The following CCDC7 variants were observed in gnomAD, a reference collection of about 807,000 sequenced individuals.
CCDC7 encodes the protein coiled-coil domain containing 7.
CCDC7 carries 183 observed loss-of-function variants against 196.9 expected under a neutral mutation model. The observed-to-expected ratio is 0.93, with a 90% CI of 0.82 to 1.05. The LOEUF (loss-of-function observed/expected upper bound fraction) is 1.05, where lower values mean the gene tolerates loss of function less well. Ranked by LOEUF, CCDC7 falls within the 50% of genes least tolerant of loss-of-function variation. CCDC7 has a pLI of 0.00. For missense variants in CCDC7, 1,540 were observed against 1,482.2 expected (o/e 1.04, Z -0.64); for synonymous variants, 525 against 484.6 (o/e 1.08, Z -1.10).
Position 32,457,920 on chromosome 10 carries a change from A to G in CCDC7, c.456+1586A>G, listed in dbSNP as rs1017147823. ...TCTGAGTTCCTTATATATTTTGAATATTAATCACTTGTTAGATGAATTTTT... is the reference window on the plus strand; with the variant it reads ...TCTGAGTTCCTTATATATTTTGAATGTTAATCACTTGTTAGATGAATTTTT... On this transcript the variant is annotated intron_variant, in intron 3 of 41. Coordinates refer to ENST00000639629, the Ensembl canonical transcript of CCDC7. Among the ~76,000 whole-genome samples the G allele has an allele frequency of 5.3e-5, 8 of 152,116 alleles. No individual in the cohort carries two copies. In the South Asian group the frequency reaches 8.3e-4, roughly 16 times the overall value.
At chr10:32,830,131 T>TAC (rs1565641517) in intron 32 of CCDC7, among the ~76,000 whole-genome samples, 12 of 111,790 alleles carry the variant, frequency 1.1e-4, no homozygotes, top group African/African-American at 1.4e-4. Flanking sequence ...GATATATATA[T>TAC]ATATATATAT....
At chr10:32,787,677 A>G (rs769719525) in intron 29 of CCDC7, among the ~76,000 whole-genome samples, 2 of 152,134 alleles carry the variant, frequency 1.3e-5, no homozygotes, top group Non-Finnish European at 2.9e-5. Flanking sequence ...GTATCTGCAG[A>G]CCCAGCCTCC....
At chr10:32,711,220 A>G (rs1341599893) in intron 24 of CCDC7, among the ~76,000 whole-genome samples, 1 of 151,898 alleles carries the variant, frequency 6.6e-6, no homozygotes, top group Non-Finnish European at 1.5e-5. Flanking sequence ...GTGTGTATAT[A>G]TATATGTTCA....
chr10:32,559,966 G>GTGCTTAAAGTGCTTA (rs2055150127), intron 13 of CCDC7, among the ~76,000 whole-genome samples: 1 of 152,196 alleles, frequency 6.6e-6, no homozygotes, highest in Non-Finnish European at 1.5e-5. Flanking sequence ...CCAATACAGT[G>GTGCTTAAAGTGCTTA]AAGTGCTTAA....
intron 20 of CCDC7, among the ~76,000 whole-genome samples, chr10:32,642,300 A>T (rs1032112569): frequency 3.9e-5 from 6 of 152,208 alleles, no homozygotes; most frequent in African/African-American, 1.2e-4. Flanking sequence ...GGCTCCACCC[A>T]GTTTGAGTTT....
intron 39 of CCDC7, among the ~76,000 whole-genome samples, chr10:32,849,510 C>T (rs1214333294): frequency 2.0e-5 from 3 of 151,820 alleles, no homozygotes; most frequent in Non-Finnish European, 4.4e-5. Context: ...AGAGACCATC[C>T]TGGCCAACAT....
chr10:32,850,905 A>T (rs905661751), intron 39 of CCDC7, among the ~76,000 whole-genome samples: 2 of 152,086 alleles, frequency 1.3e-5, no homozygotes, highest in Non-Finnish European at 2.9e-5. Flanking sequence ...ACGAAGGCAA[A>T]TATGGCAGTC....
chr10:32,600,249 T>C (rs1263569660), intron 18 of CCDC7, among the ~76,000 whole-genome samples: 2 of 152,128 alleles, frequency 1.3e-5, no homozygotes, highest in African/African-American at 4.8e-5. Flanking sequence ...TAGCAGTATT[T>C]TATAGTTCTC....
exon 24 of CCDC7, chr10:32,694,880 T>G (rs746944813): frequency 6.3e-7 from 1 of 1,582,570 alleles, no homozygotes; most frequent in Admixed American, 1.7e-5. Flanking sequence ...CTTATGTAGC[T>G]CATGATGAAG....
chr10:32,537,607 C>A (rs1339017367), intron 11 of CCDC7, among the ~76,000 whole-genome samples: 1 of 152,024 alleles, frequency 6.6e-6, no homozygotes, highest in Non-Finnish European at 1.5e-5. Context: ...GGTTATCTTC[C>A]AGAGTTTTTA....
chr10:32,702,044 T>C lies in CCDC7; in HGVS notation c.2458+7052T>C, dbSNP rs542206928. On this transcript the variant is annotated intron_variant, in intron 24 of 41. Transcript: ENST00000639629. The stretch of plus-strand genomic sequence containing the variant: ...TTCAGTTTTGCTGTGATCTTAGTTA[T>C]TTCTTGCCTTCTGCAAACTTTTGAA... Among the ~76,000 whole-genome samples, 52 of 152,348 alleles carry C rather than the reference T, an allele frequency of 3.4e-4. 2 individuals are homozygous for C. In the South Asian group the frequency reaches 0.011, roughly 32 times the overall value.
intron 18 of CCDC7, among the ~76,000 whole-genome samples, chr10:32,608,398 A>G (rs1382630147): frequency 6.6e-6 from 1 of 151,456 alleles, no homozygotes; most frequent in Non-Finnish European, 1.5e-5. Flanking sequence ...TGAGCTGTTT[A>G]TTTGAGATCT....
In CCDC7 at chr10:32,511,261, C is replaced by CGGAGG. The variant is rs1554812866; in HGVS notation, c.873-6682_873-6681insAGGGG. ...TGCCACAGAATTATTCTGTGGGGGG[C>CGGAGG]GGGGGGGGCGGGGAAATGTACTTTT... On this transcript the variant is annotated intron_variant, in intron 9 of 41. Coordinates refer to ENST00000639629, the Ensembl canonical transcript of CCDC7. The CGGAGG allele has an allele frequency of 2.3e-5, 9 of 383,222 alleles. No homozygotes were observed. In the African/African-American group the frequency reaches 4.0e-4, roughly 17 times the overall value. 23.7% of individuals were successfully genotyped at this position (383,222 alleles called of 1,614,324 possible). A position where few individuals can be genotyped will look rare whatever the true frequency, so the allele number is the denominator to read the frequency against.
chr10:32,712,954 T>A lies in CCDC7; in HGVS notation c.2569+1224T>A, dbSNP rs532364989. Among the ~76,000 whole-genome samples, 3 of 152,326 alleles carry A rather than the reference T, an allele frequency of 2.0e-5. No individual in the cohort carries two copies. In the East Asian group the frequency reaches 5.8e-4, roughly 29 times the overall value. ...TAAAGCTTGGCAATGAGGGAAATTATTCCCTTTTTTATCCCCAGAGTGTTA... is the reference window on the plus strand; with the variant it reads ...TAAAGCTTGGCAATGAGGGAAATTAATCCCTTTTTTATCCCCAGAGTGTTA... On this transcript the variant is annotated intron_variant, in intron 25 of 41. Transcript: ENST00000639629.
At chr10:32,504,114 G>GT (rs2044483185) in intron 9 of CCDC7, among the ~76,000 whole-genome samples, 2 of 114,126 alleles carry the variant, frequency 1.8e-5, no homozygotes, top group Non-Finnish European at 3.7e-5. Context: ...ATTTATTGCT[G>GT]GTTTTTTTTT....
In CCDC7 at chr10:32,833,355, A is replaced by ATTT. The variant is rs1565651037; in HGVS notation, c.3269-1460_3269-1459insTTT. On this transcript the variant is annotated intron_variant, in intron 32 of 41. Coordinates refer to ENST00000639629, the Ensembl canonical transcript of CCDC7. The stretch of plus-strand genomic sequence containing the variant: ...TGTATGATATATTACCCTTTTTTTA[A>ATTT]AAAAAAAAAAAAGAAAGCTCAATAA... 4.0e-3 allele frequency among the ~76,000 whole-genome samples: 177 copies of ATTT among 43,830 alleles called. 1 individual carries two copies. The highest frequency in any genetic ancestry group is 0.013 in the African/African-American group (166 of 13,202). The allele number at this position is 43,830 out of a possible 152,430, so 28.8% of individuals were successfully genotyped here.
chr10:32,497,059 C>T (rs2043031337), intron 9 of CCDC7, among the ~76,000 whole-genome samples: 1 of 152,138 alleles, frequency 6.6e-6, no homozygotes. Context: ...ATTACTGCCT[C>T]CATTTCAGAA....
At chr10:32,502,755 C>T (rs1397674131) in intron 9 of CCDC7, among the ~76,000 whole-genome samples, 2 of 152,164 alleles carry the variant, frequency 1.3e-5, no homozygotes, top group African/African-American at 2.4e-5. Flanking sequence ...GTAGCATGAA[C>T]ATTTTAACGA....
intron 11 of CCDC7, among the ~76,000 whole-genome samples, chr10:32,530,369 TCATA>T (rs35222059): frequency 0.14 from 20,895 of 151,992 alleles, 1,709 homozygotes; most frequent in East Asian, 0.25. Context: ...GGCAGTATGG[TCATA>T]CATACCTCAA....
Sources: allele counts gnomAD v4.1 joint callset (sites outside exome capture counted in the v4.1 genomes callset), GRCh38; gene constraint gnomAD v4.1.1; transcripts MANE v1.5; gene names NCBI Gene and HGNC (gene_info 2026-07-23, HGNC 2026-07-21).